Variants in PPA2 observed in about 807,000 individuals in gnomAD.
PPA2 encodes the protein inorganic pyrophosphatase 2, mitochondrial.
In PPA2, 48 loss-of-function variants were observed where a neutral mutation model predicts 49.5. The observed-to-expected ratio is 0.97, with a 90% CI of 0.77 to 1.23. The LOEUF (loss-of-function observed/expected upper bound fraction) is 1.23. PPA2 is among the 50% of genes most tolerant of loss of function. The pLI, the probability that PPA2 is intolerant of heterozygous loss-of-function variation, is 0.00. For missense variants in PPA2, 429 were observed against 410.1 expected (o/e 1.05, Z -0.40); for synonymous variants, 131 against 139.9 (o/e 0.94, Z 0.45).
intron 7 of PPA2, among the ~76,000 whole-genome samples, chr4:105,420,905 T>G (rs537708506): frequency 6.6e-6 from 1 of 152,330 alleles, no homozygotes; most frequent in African/African-American, 2.4e-5. Context: ...ATAACAATAC[T>G]GTAAATGCTA....
At chr4:105,401,932 G>A (rs780505255) in intron 7 of PPA2, among the ~76,000 whole-genome samples, 11 of 152,112 alleles carry the variant, frequency 7.2e-5, no homozygotes, top group Admixed American at 4.6e-4. Context: ...GCTTTACCAA[G>A]CATCAGGTGT....
rs2110268500 is a variant in PPA2 at position 105,423,218 on chromosome 4, C to T, written c.655+978G>A. The T allele has an allele frequency of 1.3e-5, 2 of 152,174 alleles. 1 individual carries two copies. The highest frequency in any genetic ancestry group is 1.3e-4 in the Admixed American group (2 of 15,280). 9.4% of individuals were successfully genotyped at this position (152,174 alleles called of 1,614,324 possible). On this transcript the variant is annotated intron_variant, in intron 7 of 11. Coordinates refer to ENST00000341695, the MANE Select transcript of PPA2 (RefSeq NM_176869.3). Reference sequence around the variant, plus strand: ...GCACTTCACGCTATCAGACCTCTCCCTTTCTCAGTTATATACAAGAATGAC... The same window carrying T: ...GCACTTCACGCTATCAGACCTCTCCTTTTCTCAGTTATATACAAGAATGAC...
intron 10 of PPA2, among the ~76,000 whole-genome samples, chr4:105,377,761 G>T (rs1398705475): frequency 6.6e-6 from 1 of 151,840 alleles, no homozygotes; most frequent in African/African-American, 2.4e-5. Context: ...ACATTAGCTT[G>T]CATTTCCTAA....
At chr4:105,461,673 G>T (rs1377402121) in intron 1 of PPA2, among the ~76,000 whole-genome samples, 4 of 152,126 alleles carry the variant, frequency 2.6e-5, no homozygotes, top group Non-Finnish European at 5.9e-5. Flanking sequence ...TCAACTGAGG[G>T]GCTCAGAATT....
At chr4:105,428,675 G>C (rs1202169984) in intron 6 of PPA2, among the ~76,000 whole-genome samples, 4 of 151,910 alleles carry the variant, frequency 2.6e-5, no homozygotes, top group African/African-American at 2.4e-5. Flanking sequence ...TGTTGGGGGT[G>C]GGGGGCTAGG....
At chr4:105,463,643 T>C (rs950771092) in intron 1 of PPA2, among the ~76,000 whole-genome samples, 3 of 152,168 alleles carry the variant, frequency 2.0e-5, no homozygotes, top group Non-Finnish European at 2.9e-5. Flanking sequence ...GAAAAGGTGG[T>C]TTCGCTGGGC....
chr4:105,468,737 G>C (rs934268225), intron 1 of PPA2, among the ~76,000 whole-genome samples: 1 of 152,120 alleles, frequency 6.6e-6, no homozygotes, highest in Non-Finnish European at 1.5e-5. Context: ...CACCATCAGG[G>C]GTCCTACTTC....
chr4:105,386,568 G>T lies in PPA2; in HGVS notation c.938C>A (p.Ser313Ter), dbSNP rs151331559. The T allele has an allele frequency of 3.9e-5, 62 of 1,609,138 alleles. No individual in the cohort carries two copies. Among genetic ancestry groups the T allele is most frequent in the Non-Finnish European group, 4.5e-5 (53 of 1,176,094 alleles). The stretch of plus-strand genomic sequence containing the variant: ...ATGTCTTGGATGTTTGCCCCTTACC[G>T]ATTCAACTAATGATCTTGCTTCCTC... ...TQEEARSLVESVSSSPNKESN... is the reference protein window; with the variant it reads ...TQEEARSLVE Residue 313 changes from serine to a stop codon, truncating the protein, a stop_gained and splice_region_variant, in exon 10 of 12, where the codon TCG becomes TAG. Transcript: ENST00000341695. LOFTEE classifies it high-confidence loss of function.
At chr4:105,420,245 T>A (rs1723193919) in intron 7 of PPA2, among the ~76,000 whole-genome samples, 1 of 152,278 alleles carries the variant, frequency 6.6e-6, no homozygotes, top group African/African-American at 2.4e-5. Flanking sequence ...CTAAAGATAG[T>A]AGAAACTAAT....
At chr4:105,444,607 G>C (rs955283514) in intron 5 of PPA2, among the ~76,000 whole-genome samples, 1 of 152,120 alleles carries the variant, frequency 6.6e-6, no homozygotes, top group Non-Finnish European at 1.5e-5. Context: ...ACAGAAGTTT[G>C]GCAGGACTTT....
chr4:105,462,712 A>T (rs1201305204), intron 1 of PPA2, among the ~76,000 whole-genome samples: 2 of 152,068 alleles, frequency 1.3e-5, no homozygotes, highest in African/African-American at 2.4e-5. Context: ...TTGAATTCCC[A>T]CGTGTTGTGG....
Position 105,397,559 on chromosome 4 carries a change from G to A in PPA2, c.784-1225C>T, listed in dbSNP as rs190696314. 1.3e-3 allele frequency among the ~76,000 whole-genome samples: 205 copies of A among 152,214 alleles called. 1 individual carries two copies. The Middle Eastern group carries it at 0.014, about 10-fold the overall frequency. The stretch of plus-strand genomic sequence containing the variant: ...AATTCTTGAGTTATACCCTGCTATG[G>A]TTTGAGGGGATTTGTCCTCTCAAAT... On this transcript the variant is annotated intron_variant, in intron 8 of 11. Transcript: ENST00000341695.
At chr4:105,426,320 A>G (rs1029435043) in intron 6 of PPA2, among the ~76,000 whole-genome samples, 2 of 152,178 alleles carry the variant, frequency 1.3e-5, no homozygotes, top group African/African-American at 4.8e-5. Flanking sequence ...GGTTCATCTC[A>G]TTGGGACTGG....
intron 6 of PPA2, among the ~76,000 whole-genome samples, chr4:105,426,551 G>A (rs538539103): frequency 1.4e-4 from 21 of 152,350 alleles, no homozygotes; most frequent in East Asian, 1.3e-3. Context: ...CTGGCTCGGC[G>A]GGTCCCATGC....
chr4:105,409,280 C>T (rs1469224232), intron 7 of PPA2, among the ~76,000 whole-genome samples: 1 of 152,236 alleles, frequency 6.6e-6, no homozygotes, highest in Non-Finnish European at 1.5e-5. Context: ...CCCACACCCA[C>T]GGAGCCTTGT....
rs190871533 is a variant in PPA2, at chr4:105,424,543, A to G, written c.529-221T>C. ...CACCAATGACTGAATTATTTTACAG[A>G]TAAACAACTTGCCCTCCCATTGCAA... is the stretch of plus-strand genomic sequence containing the variant. On this transcript the variant is annotated intron_variant, in intron 6 of 11. Coordinates refer to ENST00000341695, the MANE Select transcript of PPA2 (RefSeq NM_176869.3). Among the ~76,000 whole-genome samples the G allele has an allele frequency of 3.9e-5, 6 of 152,340 alleles. No homozygotes were observed. In the East Asian group the frequency reaches 1.2e-3, roughly 29 times the overall value.
chr4:105,401,198 C>G (rs1327337866), intron 7 of PPA2, among the ~76,000 whole-genome samples: 1 of 151,974 alleles, frequency 6.6e-6, no homozygotes, highest in Non-Finnish European at 1.5e-5. Context: ...CACGAAATTC[C>G]TGAGAGTTAA....
intron 7 of PPA2, among the ~76,000 whole-genome samples, chr4:105,402,028 T>C (rs918494962): frequency 2.6e-5 from 4 of 152,206 alleles, no homozygotes; most frequent in African/African-American, 9.6e-5. Flanking sequence ...AGTGAATTTA[T>C]GAGTACAAAA....
chr4:105,446,263 T>C (rs1722381660), intron 5 of PPA2, 120 bp downstream of exon 5: 4 of 1,133,434 alleles, frequency 3.5e-6, no homozygotes, highest in African/African-American at 3.2e-5. Context: ...AAATTCCAAA[T>C]TTACAAACCT....
Sources: allele counts gnomAD v4.1 joint callset (sites outside exome capture counted in the v4.1 genomes callset), GRCh38; gene constraint gnomAD v4.1.1; transcripts MANE v1.5; gene names NCBI Gene and HGNC (gene_info 2026-07-23, HGNC 2026-07-21).